The following PRUNE2 variants were observed in gnomAD, a reference collection of about 807,000 sequenced individuals.
PRUNE2 encodes the protein protein prune homolog 2.
Under a neutral mutation model 252.0 loss-of-function variants are expected in PRUNE2, and 164 were observed. The observed-to-expected ratio is 0.65, with a 90% CI of 0.57 to 0.74. The LOEUF is 0.74. PRUNE2 is among the 30% of genes least tolerant of loss of function. The pLI, the probability that PRUNE2 is intolerant of heterozygous loss-of-function variation, is 0.00. For missense variants in PRUNE2, 3,495 were observed against 3,711.0 expected (o/e 0.94, Z 1.51); for synonymous variants, 1,292 against 1,350.2 (o/e 0.96, Z 0.94).
intron 1 of PRUNE2, among the ~76,000 whole-genome samples, chr9:76,905,669 A>G (rs1486437753): frequency 2.6e-5 from 4 of 152,100 alleles, no homozygotes; most frequent in Non-Finnish European, 5.9e-5. Flanking sequence ...CCGAAGCTGG[A>G]CTGAAGCGAC....
In PRUNE2 at chr9:76,826,586, C is replaced by A; in HGVS notation, c.655G>T (p.Ala219Ser). 1 of 1,592,176 alleles carries A rather than the reference C, an allele frequency of 6.3e-7. No homozygotes were observed. The highest frequency in any genetic ancestry group is 8.6e-7 in the Non-Finnish European group (1 of 1,167,006). Residue 219 changes from alanine (A) to serine (S), a missense_variant, in exon 5 of 19, where the codon GCT becomes TCT. Transcript: ENST00000376718. ...TGGGGACAGAGTCACTCACCCTGAG[C>A]ACTGAACTGGGTCTCCTGTAGGACG... ...INVLQETQFS[A>S]QGLSIEQTML...
At chr9:76,825,109 T>C (rs770443801) in intron 5 of PRUNE2, among the ~76,000 whole-genome samples, 1 of 144,238 alleles carries the variant, frequency 6.9e-6, no homozygotes, top group African/African-American at 2.6e-5. Flanking sequence ...GGGCTTTCCT[T>C]GGCCACCAGA....
intron 9 of PRUNE2, chr9:76,687,535 A>C: frequency 5.0e-6 from 1 of 201,976 alleles, no homozygotes; most frequent in Non-Finnish European, 1.1e-5. Flanking sequence ...TCTCCAGGTA[A>C]AACCATATCA....
intron 1 of PRUNE2, among the ~76,000 whole-genome samples, chr9:76,903,988 T>C (rs966500495): frequency 2.0e-5 from 3 of 152,234 alleles, no homozygotes; most frequent in Non-Finnish European, 4.4e-5. Flanking sequence ...TAAAGGAGAA[T>C]GTTATCTACT....
intron 6 of PRUNE2, among the ~76,000 whole-genome samples, chr9:76,731,045 T>C (rs1441254312): frequency 6.6e-6 from 1 of 152,088 alleles, no homozygotes; most frequent in African/African-American, 2.4e-5. Context: ...ATAGAGGAAA[T>C]GATTTCACAC....
At chr9:76,725,361 T>C (rs2048022108) in intron 6 of PRUNE2, among the ~76,000 whole-genome samples, 2 of 152,202 alleles carry the variant, frequency 1.3e-5, no homozygotes, top group South Asian at 4.1e-4. Context: ...TCAGAGGTGC[T>C]TCATCATTTT....
At chr9:76,739,752 G>T (rs2049410612) in intron 6 of PRUNE2, 1 of 152,178 alleles carries the variant, frequency 6.6e-6, no homozygotes, top group East Asian at 1.9e-4. Context: ...TTTCAAAATT[G>T]TAGATGGGGG....
chr9:76,845,000 T>TAAAA (rs55754002), intron 4 of PRUNE2, among the ~76,000 whole-genome samples: 34 of 60,752 alleles, frequency 5.6e-4, no homozygotes, highest in African/African-American at 1.8e-3. Context: ...CCCCCTCTCT[T>TAAAA]AAAAAAAAAA....
intron 6 of PRUNE2, among the ~76,000 whole-genome samples, chr9:76,774,259 CTGAG>C (rs2053440661): frequency 6.6e-6 from 1 of 151,964 alleles, no homozygotes; most frequent in African/African-American, 2.4e-5. Flanking sequence ...CCTGACCCCC[CTGAG>C]TAAGTGGGAC....
At chr9:76,844,179 TGG>T (rs1337404426) in intron 4 of PRUNE2, among the ~76,000 whole-genome samples, 2 of 152,180 alleles carry the variant, frequency 1.3e-5, no homozygotes, top group Non-Finnish European at 2.9e-5. Flanking sequence ...TGATATGGTT[TGG>T]ATGTGTGTCC....
At chr9:76,898,737 A>G (rs1340054784) in intron 1 of PRUNE2, among the ~76,000 whole-genome samples, 1 of 152,216 alleles carries the variant, frequency 6.6e-6, no homozygotes, top group African/African-American at 2.4e-5. Context: ...TGAAGCACCA[A>G]CATAGCTTTA....
chr9:76,694,640 T>C (rs937682591), intron 9 of PRUNE2, among the ~76,000 whole-genome samples: 6 of 152,370 alleles, frequency 3.9e-5, no homozygotes, highest in Non-Finnish European at 2.9e-5. Context: ...TCACCAGTAA[T>C]ACTCCTTTTT....
chr9:76,788,013 C>T (rs2055179008), intron 6 of PRUNE2, among the ~76,000 whole-genome samples: 1 of 152,188 alleles, frequency 6.6e-6, no homozygotes, highest in Non-Finnish European at 1.5e-5. Context: ...TTTCTTCCAC[C>T]TAGCTTCTCC....
chr9:76,633,095 G>T (rs1001652429), intron 15 of PRUNE2, among the ~76,000 whole-genome samples: 2 of 151,790 alleles, frequency 1.3e-5, no homozygotes, highest in Non-Finnish European at 2.9e-5. Context: ...GGTGGCACAT[G>T]CCTGTAATCC....
At chr9:76,631,061 G>A (rs1196367047) in intron 15 of PRUNE2, among the ~76,000 whole-genome samples, 1 of 152,090 alleles carries the variant, frequency 6.6e-6, no homozygotes, top group Non-Finnish European at 1.5e-5. Context: ...TTGGCCCTGG[G>A]CCCAAGACAC....
At chr9:76,805,074 G>A (rs2131620752) in intron 6 of PRUNE2, among the ~76,000 whole-genome samples, 1 of 152,304 alleles carries the variant, frequency 6.6e-6, no homozygotes, top group African/African-American at 2.4e-5. Context: ...CTGAGTCTCA[G>A]CCCCCAAAGT....
At chr9:76,739,226 G>A (rs2049351500) in intron 6 of PRUNE2, 1 of 152,184 alleles carries the variant, frequency 6.6e-6, no homozygotes, top group Admixed American at 6.5e-5. Context: ...TATAGTAGAT[G>A]TAAAAATAAA....
chr9:76,755,117 A>G (rs77338173), intron 6 of PRUNE2, among the ~76,000 whole-genome samples: 7,950 of 152,022 alleles, frequency 0.052, 254 homozygotes, highest in East Asian at 0.087. Flanking sequence ...GGACTTCTGT[A>G]TTCCCAAACC....
chr9:76,735,548 G>A (rs1011618355), intron 6 of PRUNE2, among the ~76,000 whole-genome samples: 32 of 151,482 alleles, frequency 2.1e-4, no homozygotes, highest in African/African-American at 7.5e-4. Flanking sequence ...CCAGAACAAG[G>A]GAATAGCAGG....
Sources: allele counts gnomAD v4.1 joint callset (sites outside exome capture counted in the v4.1 genomes callset), GRCh38; gene constraint gnomAD v4.1.1; transcripts MANE v1.5; gene names NCBI Gene and HGNC (gene_info 2026-07-23, HGNC 2026-07-21).